The following ALG5 variants were observed in gnomAD, a reference collection of about 807,000 sequenced individuals.
The protein encoded by ALG5 is dolichyl-phosphate beta-glucosyltransferase.
Under a neutral mutation model 51.8 loss-of-function variants are expected in ALG5, and 26 were observed. The ratio of observed to expected loss-of-function variants is 0.50; its 90% CI spans 0.37 to 0.70. The LOEUF (loss-of-function observed/expected upper bound fraction) is 0.70. ALG5 is among the 30% of genes least tolerant of loss of function. The pLI, the probability that ALG5 is intolerant of heterozygous loss-of-function variation, is 0.00. For missense variants in ALG5, 311 were observed against 399.3 expected (o/e 0.78, Z 1.88); for synonymous variants, 141 against 136.1 (o/e 1.04, Z -0.25).
In ALG5 at chr13:36,949,797, T is replaced by G. The variant is rs937740741; in HGVS notation, c.*145A>C. On this transcript the variant is annotated 3_prime_UTR_variant, in exon 10 of 10. Coordinates refer to ENST00000239891, the MANE Select transcript of ALG5 (RefSeq NM_013338.5). ...TATATCCAAAGAGATATATAATTTT[T>G]TACTTATGGAAAGTTATTTCTTTAA... The G allele has an allele frequency of 1.3e-5, 6 of 470,426 alleles. No homozygotes were observed. The highest frequency in any genetic ancestry group is 2.2e-5 in the Non-Finnish European group (6 of 266,920). 29.1% of individuals were successfully genotyped at this position (470,426 alleles called of 1,614,324 possible).
intron 6 of ALG5, among the ~76,000 whole-genome samples, chr13:36,975,649 T>TA (rs1448073996): frequency 1.3e-5 from 2 of 152,222 alleles, no homozygotes; most frequent in Non-Finnish European, 2.9e-5. Context: ...ATAAAACTCT[T>TA]ATCTGTATTT....
intron 6 of ALG5, among the ~76,000 whole-genome samples, chr13:36,983,189 G>A (rs367720037): frequency 6.6e-6 from 1 of 152,114 alleles, no homozygotes; most frequent in Non-Finnish European, 1.5e-5. Flanking sequence ...AAAATCTGAT[G>A]CCTTATGCCC....
intron 8 of ALG5, among the ~76,000 whole-genome samples, chr13:36,964,974 G>T (rs1275697203): frequency 6.6e-6 from 1 of 151,994 alleles, no homozygotes; most frequent in South Asian, 2.1e-4. Context: ...AGAAGGTGGG[G>T]TGAGGAGTGA....
chr13:36,996,448 T>C (rs1235434644), intron 1 of ALG5, among the ~76,000 whole-genome samples: 1 of 152,156 alleles, frequency 6.6e-6, no homozygotes, highest in Non-Finnish European at 1.5e-5. Context: ...CTTCAGAGAT[T>C]ATAAGATTAT....
chr13:36,961,538 T>A (rs989130278), intron 8 of ALG5, among the ~76,000 whole-genome samples: 1 of 152,182 alleles, frequency 6.6e-6, no homozygotes, highest in Non-Finnish European at 1.5e-5. Context: ...CACCATTTTA[T>A]AGCAAAGACT....
chr13:36,984,697 T>C (rs2058994402), intron 6 of ALG5, among the ~76,000 whole-genome samples: 1 of 152,126 alleles, frequency 6.6e-6, no homozygotes, highest in African/African-American at 2.4e-5. Context: ...CCCTCTAAAC[T>C]AGAATTTCAA....
chr13:36,966,151 T>A (rs2058892506), intron 7 of ALG5, among the ~76,000 whole-genome samples: 1 of 152,230 alleles, frequency 6.6e-6, no homozygotes, highest in Admixed American at 6.5e-5. Context: ...AGCCTGCAGT[T>A]GATACTTAAC....
chr13:36,980,951 G>A (rs1257415174), intron 6 of ALG5, among the ~76,000 whole-genome samples: 3 of 152,014 alleles, frequency 2.0e-5, no homozygotes, highest in Admixed American at 6.6e-5. Context: ...TCCAACCCAG[G>A]TGACACAGGG....
At chr13:36,952,660 T>G in intron 8 of ALG5, 61 bp from the exon 9 acceptor site, 125 of 968,782 alleles carry the variant, frequency 1.3e-4, no homozygotes, top group Non-Finnish European at 1.6e-4. Context: ...ACTACATCTC[T>G]ACCTTGGCAT....
chr13:36,968,544 A>G (rs896659797), intron 7 of ALG5, among the ~76,000 whole-genome samples: 3 of 152,182 alleles, frequency 2.0e-5, no homozygotes, highest in African/African-American at 7.2e-5. Context: ...GAATGTAAGC[A>G]CTTTTAAGGA....
At chr13:36,986,953 A>C (rs890474022) in intron 5 of ALG5, among the ~76,000 whole-genome samples, 1 of 152,174 alleles carries the variant, frequency 6.6e-6, no homozygotes, top group Admixed American at 6.5e-5. Context: ...TATGGCCTTC[A>C]CTTTGCTGCA....
Position 36,999,241 on chromosome 13 carries a change from G to T in ALG5, c.60C>A (p.Leu20=), listed in dbSNP as rs1304068182. 6.3e-7 allele frequency: 1 copy of T among 1,578,492 alleles called. No individual in the cohort carries two copies. The highest frequency in any genetic ancestry group is 8.6e-7 in the Non-Finnish European group (1 of 1,165,236). The change falls in exon 1 of 10, where the codon CTC becomes CTA. Residue 20 remains leucine (L), a synonymous_variant. Transcript: ENST00000239891. The part of the protein sequence containing the change: ...VLGAALAAAA[L]VLISIVAFTT... ...TTCCCATCCCTGTTCTCACCAGTACGAGGGCTGCGGCCGCCAGCGCCGCGC... is the reference window on the plus strand; with the variant it reads ...TTCCCATCCCTGTTCTCACCAGTACTAGGGCTGCGGCCGCCAGCGCCGCGC...
At chr13:36,996,568 C>T (rs1593689524) in intron 1 of ALG5, among the ~76,000 whole-genome samples, 1 of 152,028 alleles carries the variant, frequency 6.6e-6, no homozygotes, top group South Asian at 2.1e-4. Flanking sequence ...CTCCCACTTC[C>T]CCCCTGCCAA....
chr13:36,980,359 C>T (rs191578943), intron 6 of ALG5, among the ~76,000 whole-genome samples: 6 of 152,048 alleles, frequency 3.9e-5, no homozygotes, highest in East Asian at 2.0e-4. Context: ...CTCAGCTTCC[C>T]GAGTAGCTGG....
At chr13:36,966,436 A>G (rs2058893699) in intron 7 of ALG5, among the ~76,000 whole-genome samples, 1 of 152,246 alleles carries the variant, frequency 6.6e-6, no homozygotes, top group Non-Finnish European at 1.5e-5. Context: ...ATAAGAACAT[A>G]AGATTATTAT....
chr13:36,954,513 C>T (rs2058831697), intron 8 of ALG5, among the ~76,000 whole-genome samples: 1 of 152,056 alleles, frequency 6.6e-6, no homozygotes, highest in African/African-American at 2.4e-5. Flanking sequence ...ATGTCTTTCT[C>T]CTCTTAAACA....
At chr13:36,973,647 A>G (rs1390747798) in intron 6 of ALG5, among the ~76,000 whole-genome samples, 1 of 152,228 alleles carries the variant, frequency 6.6e-6, no homozygotes, top group East Asian at 1.9e-4. Flanking sequence ...ATTCAAAACT[A>G]AAAGACAAAA....
At chr13:36,967,478 T>C (rs1257475232) in intron 7 of ALG5, among the ~76,000 whole-genome samples, 1 of 152,162 alleles carries the variant, frequency 6.6e-6, no homozygotes, top group Non-Finnish European at 1.5e-5. Flanking sequence ...ATGTTCTTCA[T>C]ACAGGAAGAA....
At chr13:36,966,648 C>G (rs2058894823) in intron 7 of ALG5, among the ~76,000 whole-genome samples, 1 of 152,164 alleles carries the variant, frequency 6.6e-6, no homozygotes, top group South Asian at 2.1e-4. Context: ...CAGCTGGGAT[C>G]ACAGGCGTGT....
Sources: gnomAD v4.1 joint callset for allele counts (sites outside exome capture counted in the v4.1 genomes callset) on GRCh38, gnomAD v4.1.1 for gene constraint, MANE v1.5 for transcripts, NCBI Gene and HGNC (gene_info 2026-07-23, HGNC 2026-07-21) for gene names.